Variants in ZBTB43 observed in about 807,000 individuals in gnomAD.
ZBTB43 encodes zinc finger and BTB domain-containing protein 43.
In ZBTB43, 6 loss-of-function variants were observed where a neutral mutation model predicts 31.1. The observed-to-expected ratio is 0.19, with a 90% confidence interval of 0.11 to 0.38. ZBTB43 has a LOEUF of 0.38. Ranked by LOEUF, ZBTB43 falls within the 10% of genes least tolerant of loss-of-function variation. The pLI is 1.00. For missense variants in ZBTB43, 379 were observed against 602.1 expected (o/e 0.63, Z 3.88); for synonymous variants, 212 against 221.7 (o/e 0.96, Z 0.39).
At chr9:126,804,122 G>GT (rs2032072922), upstream of ZBTB43, among the ~76,000 whole-genome samples, 1 of 152,114 alleles carries the variant, frequency 6.6e-6, no homozygotes, top group South Asian at 2.1e-4. Context: ...GGGTCCAAAG[G>GT]TAAGAGTCCC....
chr9:126,832,960 C>A lies in ZBTB43; in HGVS notation c.451C>A (p.Leu151Met). The A allele has an allele frequency of 6.2e-7, 1 of 1,613,728 alleles. No homozygotes were observed. The highest frequency in any genetic ancestry group is 8.5e-7 in the Non-Finnish European group (1 of 1,180,010). ...ACCAAGCAGCAGTAGTTATAATGGC[C>A]TGGTAGAGAGCTTTGAGCTGGGCTC... ...QSPSSSSYNG[L>M]VESFELGSGG... The change falls in exon 3 of 3, where the codon CTG becomes ATG. Residue 151 changes from leucine (L) to methionine (M), a missense_variant. Around this residue, in one of 5 missense-constraint regions of ZBTB43, gnomAD observed 253 missense variants for 322.3 expected, o/e 0.79. Transcript: ENST00000373464.
chr9:126,812,172 G>A (rs900261707), intron 2 of ZBTB43, among the ~76,000 whole-genome samples: 5 of 151,988 alleles, frequency 3.3e-5, no homozygotes, highest in African/African-American at 1.2e-4. Context: ...TACAAGATAC[G>A]GCCTTTTGTG....
chr9:126,806,400 A>G (rs2032128693), intron 1 of ZBTB43, among the ~76,000 whole-genome samples: 1 of 152,232 alleles, frequency 6.6e-6, no homozygotes, highest in African/African-American at 2.4e-5. Flanking sequence ...AAAAGGACAA[A>G]TGTTGTTTGA....
intron 2 of ZBTB43, among the ~76,000 whole-genome samples, chr9:126,815,603 T>C (rs1355023957): frequency 6.6e-6 from 1 of 151,500 alleles, no homozygotes; most frequent in Non-Finnish European, 1.5e-5. Flanking sequence ...CTCATCCCAA[T>C]GTATGTTTGT....
chr9:126,829,154 A>G (rs923831567), intron 2 of ZBTB43, among the ~76,000 whole-genome samples: 2 of 152,126 alleles, frequency 1.3e-5, no homozygotes, highest in African/African-American at 4.8e-5. Context: ...TGTATCAGAA[A>G]ATTTTTTAAA....
rs1782549113 is a variant in ZBTB43 at position 126,838,105 on chromosome 9, G to A, written c.*4192G>A. 6.0e-6 allele frequency: 1 copy of A among 166,712 alleles called. No homozygotes were observed. Among genetic ancestry groups the A allele is most frequent in the African/African-American group, 2.4e-5 (1 of 41,426 alleles). 10.3% of individuals were successfully genotyped at this position (166,712 alleles called of 1,614,324 possible). A position where few individuals can be genotyped will look rare whatever the true frequency, so the allele number is the denominator to read the frequency against. On this transcript the variant is annotated 3_prime_UTR_variant, in exon 3 of 3. Transcript: ENST00000373464. ...ATTGCTGTCTTCAGTGTACAGCATG[G>A]TTTTACTTAATTGAATGTTAATGTT...
Position 126,819,641 on chromosome 9 carries a change from G to A in ZBTB43, c.-24+10726G>A, listed in dbSNP as rs375517080. 1.2e-4 allele frequency among the ~76,000 whole-genome samples: 18 copies of A among 151,424 alleles called. 1 individual carries two copies. The highest frequency in any genetic ancestry group is 8.4e-4 in the South Asian group (4 of 4,774). ...GTGATACACAACCACTTGAATTTAG[G>A]CCAATTAATAAACCTACAATGGCCT... On this transcript the variant is annotated intron_variant, in intron 2 of 2. Coordinates refer to ENST00000373464, the MANE Select transcript of ZBTB43 (RefSeq NM_014007.4).
chr9:126,809,350 A>G (rs1233311947), intron 2 of ZBTB43, among the ~76,000 whole-genome samples: 1 of 152,236 alleles, frequency 6.6e-6, no homozygotes, highest in African/African-American at 2.4e-5. Context: ...TCACTAATGT[A>G]AAGAGTAGGC....
intron 2 of ZBTB43, among the ~76,000 whole-genome samples, chr9:126,809,510 C>T (rs1005373876): frequency 6.6e-6 from 1 of 152,188 alleles, no homozygotes; most frequent in Non-Finnish European, 1.5e-5. Context: ...CAATAAGTAG[C>T]TGGTGGGTCT....
intron 2 of ZBTB43, among the ~76,000 whole-genome samples, chr9:126,824,704 G>A (rs2119147871): frequency 6.6e-6 from 1 of 152,310 alleles, no homozygotes; most frequent in South Asian, 2.1e-4. Flanking sequence ...CAGCTTTCAA[G>A]ATTCTCTTTG....
intron 2 of ZBTB43, among the ~76,000 whole-genome samples, chr9:126,817,637 G>A (rs988483437): frequency 6.6e-6 from 1 of 151,832 alleles, no homozygotes. Flanking sequence ...CACCACGCCC[G>A]GCTAATTATT....
At chr9:126,817,960 G>A (rs555415831) in intron 2 of ZBTB43, among the ~76,000 whole-genome samples, 26 of 152,154 alleles carry the variant, frequency 1.7e-4, no homozygotes, top group African/African-American at 6.3e-4. Context: ...AAAGTTAAGG[G>A]CAAGGATTTT....
In ZBTB43 at chr9:126,837,437, C is replaced by T. The variant is rs1464499918; in HGVS notation, c.*3524C>T. 1 of 167,164 alleles carries T rather than the reference C, an allele frequency of 6.0e-6. No homozygotes were observed. Among genetic ancestry groups the T allele is most frequent in the Non-Finnish European group, 1.5e-5 (1 of 68,162 alleles). 10.4% of individuals were successfully genotyped at this position (167,164 alleles called of 1,614,324 possible). ...AGCTGCTTAGCCTCCAGGGCTCCCTCCTTGAGAGGCTCACACACCCCCAAG... is the reference window on the plus strand; with the variant it reads ...AGCTGCTTAGCCTCCAGGGCTCCCTTCTTGAGAGGCTCACACACCCCCAAG... On this transcript the variant is annotated 3_prime_UTR_variant, in exon 3 of 3. Coordinates refer to ENST00000373464, the MANE Select transcript of ZBTB43 (RefSeq NM_014007.4).
intron 2 of ZBTB43, among the ~76,000 whole-genome samples, chr9:126,824,344 C>T (rs1180386602): frequency 6.6e-6 from 1 of 152,186 alleles, no homozygotes; most frequent in African/African-American, 2.4e-5. Flanking sequence ...TTAATATTTA[C>T]ATAAGTAGTT....
At position 126,837,580 on chromosome 9, in the gene ZBTB43, A is replaced by G. The variant is rs2032909129; in HGVS notation, c.*3667A>G. 1 of 167,196 alleles carries G rather than the reference A, an allele frequency of 6.0e-6. No individual in the cohort carries two copies. The highest frequency in any genetic ancestry group is 1.5e-5 in the Non-Finnish European group (1 of 68,142). 10.4% of individuals were successfully genotyped at this position (167,196 alleles called of 1,614,324 possible). A position where few individuals can be genotyped will look rare whatever the true frequency, so the allele number is the denominator to read the frequency against. On this transcript the variant is annotated 3_prime_UTR_variant, in exon 3 of 3. Transcript: ENST00000373464. ...GAGAGGGCGCCATCACAACGAGTCC[A>G]GGTTTTTGCTTTTGGAAGGTCTCTG...
At chr9:126,804,831 A>AT (rs2032084756), upstream of ZBTB43, among the ~76,000 whole-genome samples, 1 of 152,042 alleles carries the variant, frequency 6.6e-6, no homozygotes, top group Admixed American at 6.5e-5. Context: ...CTGCTCCCCT[A>AT]TTTTCAACAG....
Position 126,836,581 on chromosome 9 carries a change from C to T in ZBTB43, c.*2668C>T, listed in dbSNP as rs2032883549. The T allele has an allele frequency of 6.0e-6, 1 of 166,884 alleles. No individual in the cohort carries two copies. Among genetic ancestry groups the T allele is most frequent in the South Asian group, 2.1e-4 (1 of 4,820 alleles). 10.3% of individuals were successfully genotyped at this position (166,884 alleles called of 1,614,324 possible). The stretch of plus-strand genomic sequence containing the variant: ...GGTTTTTACCTTTTTTTCATCCCCA[C>T]GTTGAGTTGGAGGAATAGTCTCTTC... On this transcript the variant is annotated 3_prime_UTR_variant, in exon 3 of 3. Transcript: ENST00000373464.
At chr9:126,823,087 G>T (rs1439603235) in intron 2 of ZBTB43, among the ~76,000 whole-genome samples, 1 of 152,134 alleles carries the variant, frequency 6.6e-6, no homozygotes, top group Non-Finnish European at 1.5e-5. Flanking sequence ...CAATATCTCT[G>T]AGGTATGCCT....
In ZBTB43 at chr9:126,825,950, G is replaced by T. The variant is rs530658407; in HGVS notation, c.-23-6537G>T. 1.8e-4 allele frequency among the ~76,000 whole-genome samples: 26 copies of T among 145,964 alleles called. No individual in the cohort carries two copies. The East Asian group carries it at 4.5e-3, about 25-fold the overall frequency. ...AACCTCCTGCCTCCCGGGCTCAAGC[G>T]ATTCTCATGCCTCAGCCTCCTGGGT... On this transcript the variant is annotated intron_variant, in intron 2 of 2. Transcript: ENST00000373464.
Sources: gnomAD v4.1 joint callset for allele counts (sites outside exome capture counted in the v4.1 genomes callset) on GRCh38, gnomAD v4.1.1 for gene constraint, gnomAD v4.1.1 regional missense constraint, MANE v1.5 for transcripts, NCBI Gene and HGNC (gene_info 2026-07-23, HGNC 2026-07-21) for gene names.